Variants in CRACR2A observed in about 807,000 individuals in gnomAD.
CRACR2A encodes calcium release activated channel regulator 2A.
Under a neutral mutation model 90.5 loss-of-function variants are expected in CRACR2A, and 79 were observed. The ratio of observed to expected loss-of-function variants is 0.87; its 90% CI spans 0.73 to 1.05. The LOEUF (loss-of-function observed/expected upper bound fraction) is 1.05. Among genes scored for constraint, CRACR2A ranks in the 50% least tolerant of loss-of-function variants. The pLI is 0.00. For missense variants in CRACR2A, 823 were observed against 897.2 expected, an observed-to-expected ratio of 0.92 and a Z score of 1.06; for synonymous variants, 338 against 356.7, an observed-to-expected ratio of 0.95 and a Z score of 0.59.
chr12:3,645,078 C>T (rs780789090), intron 11 of CRACR2A, among the ~76,000 whole-genome samples: 5 of 152,248 alleles, frequency 3.3e-5, no homozygotes, highest in Admixed American at 6.5e-5. Flanking sequence ...AGGCACTCTT[C>T]TAGCCATCAA....
intron 7 of CRACR2A, among the ~76,000 whole-genome samples, chr12:3,673,068 T>C (rs1057301930): frequency 1.3e-5 from 2 of 152,232 alleles, no homozygotes; most frequent in African/African-American, 4.8e-5. Context: ...CTCCCAGTCC[T>C]GGCTCTACTG....
chr12:3,628,098 CTTCCCTCTCT>C (rs1944305533), intron 15 of CRACR2A, among the ~76,000 whole-genome samples: 1 of 142,568 alleles, frequency 7.0e-6, no homozygotes, highest in African/African-American at 2.6e-5. Context: ...TCCCTCTCTC[CTTCCCTCTCT>C]CTTTCCCTCC....
At chr12:3,681,259 A>G (rs1945445612) in intron 4 of CRACR2A, among the ~76,000 whole-genome samples, 1 of 152,148 alleles carries the variant, frequency 6.6e-6, no homozygotes, top group Non-Finnish European at 1.5e-5. Flanking sequence ...CTGACTGGTA[A>G]GGAATTCCTA....
intron 12 of CRACR2A, among the ~76,000 whole-genome samples, chr12:3,642,647 G>T (rs1448826389): frequency 6.6e-6 from 1 of 152,220 alleles, no homozygotes; most frequent in African/African-American, 2.4e-5. Flanking sequence ...TAGCCAGGAG[G>T]ATCAATTAAC....
At chr12:3,648,437 G>A in intron 11 of CRACR2A, 105 bp downstream of exon 11, 4 of 1,598,040 alleles carry the variant, frequency 2.5e-6, no homozygotes, top group Non-Finnish European at 3.4e-6. Context: ...TCTCTCAGCA[G>A]GCACGTTTTT....
At chr12:3,666,354 T>TGTGCGCGC (rs372810487) in intron 7 of CRACR2A, among the ~76,000 whole-genome samples, 2 of 144,966 alleles carry the variant, frequency 1.4e-5, no homozygotes, top group African/African-American at 5.6e-5. Context: ...TGTGTGTGTG[T>TGTGCGCGC]GCGTGCGTGT....
Position 3,627,508 on chromosome 12 carries a change from A to G in CRACR2A, c.1860T>C (p.Gly620=), listed in dbSNP as rs1323723067. The G allele has an allele frequency of 1.3e-6, 2 of 1,551,734 alleles. No homozygotes were observed. Among genetic ancestry groups the G allele is most frequent in the South Asian group, 1.2e-5 (1 of 84,060 alleles). ...CTGTGAGATCGTACATGACGATGACACCATCTGCCTTTCTGAAGAACTGCT... is the reference window on the plus strand; with the variant it reads ...CTGTGAGATCGTACATGACGATGACGCCATCTGCCTTTCTGAAGAACTGCT... ...ITQQFFRKAD[G]VIVMYDLTDK... The change falls in exon 17 of 20, where the codon GGT becomes GGC. Residue 620 remains glycine (G), a synonymous_variant. Coordinates refer to ENST00000440314, the MANE Select transcript of CRACR2A (RefSeq NM_001144958.2).
chr12:3,627,390 A>C, intron 17 of CRACR2A, 46 bp downstream of exon 17: 1 of 1,399,474 alleles, frequency 7.1e-7, no homozygotes. Context: ...AAGAAAAAAG[A>C]AGCCACAGTC....
intron 4 of CRACR2A, among the ~76,000 whole-genome samples, chr12:3,684,256 T>C (rs1945512337): frequency 1.3e-5 from 2 of 152,186 alleles, no homozygotes; most frequent in East Asian, 3.9e-4. Context: ...CCCTCTTCCC[T>C]GTGGTACAGT....
Position 3,696,917 on chromosome 12 carries a change from G to T in CRACR2A, c.83C>A (p.Ala28Asp). Residue 28 changes from alanine to aspartate, a missense_variant, in exon 4 of 20, where the codon GCC (alanine) becomes GAC (aspartate). Ala to Asp is a moderately radical substitution (Grantham distance 126). Transcript: ENST00000440314. ...GSGQGPKGSG[A>D]CLHPLDSLEQ... ...CAGGCTGTCCAGGGGATGCAGGCAG[G>T]CTCCACTCCCCTTTGGCCCCTGGCC... is the stretch of plus-strand genomic sequence containing the variant. 6.2e-7 allele frequency: 1 copy of T among 1,614,186 alleles called. No homozygotes were observed. The highest frequency in any genetic ancestry group is 8.5e-7 in the Non-Finnish European group (1 of 1,180,044).
At chr12:3,750,924 A>C (rs183410382) in intron 1 of CRACR2A, among the ~76,000 whole-genome samples, 1 of 152,116 alleles carries the variant, frequency 6.6e-6, no homozygotes, top group Non-Finnish European at 1.5e-5. Context: ...CGCATCTCCA[A>C]TCACCCCCCA....
intron 3 of CRACR2A, among the ~76,000 whole-genome samples, chr12:3,700,062 T>C (rs917435959): frequency 6.6e-6 from 1 of 152,166 alleles, no homozygotes; most frequent in African/African-American, 2.4e-5. Context: ...TGAAGGATGG[T>C]GATCCTTAAG....
At chr12:3,751,305 A>AC (rs1383385837) in intron 1 of CRACR2A, among the ~76,000 whole-genome samples, 2 of 151,672 alleles carry the variant, frequency 1.3e-5, no homozygotes, top group Non-Finnish European at 2.9e-5. Context: ...GTCCATTCCC[A>AC]CCAGCCCTGT....
chr12:3,656,122 A>G (rs2137475946), intron 9 of CRACR2A, among the ~76,000 whole-genome samples, 189 bp downstream of exon 9: 1 of 152,308 alleles, frequency 6.6e-6, no homozygotes, highest in Middle Eastern at 3.4e-3. Context: ...AACACCTGGT[A>G]TTGGAGAAGT....
intron 4 of CRACR2A, among the ~76,000 whole-genome samples, chr12:3,696,485 T>G (rs2137699585): frequency 6.7e-6 from 1 of 148,842 alleles, no homozygotes; most frequent in Non-Finnish European, 1.5e-5. Context: ...GTTCTTCTCG[T>G]GTCTTACTTA....
chr12:3,652,521 C>T (rs957433176), intron 10 of CRACR2A, among the ~76,000 whole-genome samples: 20 of 152,108 alleles, frequency 1.3e-4, no homozygotes, highest in African/African-American at 4.8e-4. Context: ...AACATGTCTC[C>T]TTCCTTTTAC....
At chr12:3,623,863 G>A (rs1944203583) in intron 17 of CRACR2A, among the ~76,000 whole-genome samples, 1 of 152,172 alleles carries the variant, frequency 6.6e-6, no homozygotes, top group African/African-American at 2.4e-5. Context: ...TTGCACCAAA[G>A]GATTTTGGTT....
intron 14 of CRACR2A, among the ~76,000 whole-genome samples, chr12:3,636,194 T>G (rs996864906): frequency 6.6e-6 from 1 of 152,262 alleles, no homozygotes; most frequent in Non-Finnish European, 1.5e-5. Context: ...GGATATGGTA[T>G]TTTTAAGTTT....
In CRACR2A at chr12:3,680,281, A is replaced by G; in HGVS notation, c.297T>C (p.Asp99=). The G allele has an allele frequency of 6.2e-7, 1 of 1,614,236 alleles. No individual in the cohort carries two copies. The highest frequency in any genetic ancestry group is 8.5e-7 in the Non-Finnish European group (1 of 1,180,026). The change falls in exon 5 of 20, where the codon GAT becomes GAC. Residue 99 remains aspartate, a synonymous_variant. Transcript: ENST00000440314. The stretch of plus-strand genomic sequence containing the variant: ...CCTGTGGGGTCAGATAGCCATTGCC[A>G]TCAGCATCCAGGGCATCAAACACAT... ...LEDVFDALDA[D]GNGYLTPQEF...
Sources: gnomAD v4.1 joint callset for allele counts (sites outside exome capture counted in the v4.1 genomes callset) on GRCh38, gnomAD v4.1.1 for gene constraint, MANE v1.5 for transcripts, NCBI Gene and HGNC (gene_info 2026-07-23, HGNC 2026-07-21) for gene names.